The following CASP6 variants were observed in gnomAD, a reference collection of about 807,000 sequenced individuals.
The protein encoded by CASP6 is caspase-6.
A neutral mutation model predicts 31.8 loss-of-function variants in CASP6; 20 were observed. The observed-to-expected ratio is 0.63, with a 90% confidence interval of 0.44 to 0.91. CASP6 has a LOEUF of 0.91. Ranked by LOEUF, CASP6 falls within the 40% of genes least tolerant of loss-of-function variation. CASP6 has a pLI of 0.00. For synonymous variants in CASP6, 130 were observed against 127.8 expected (o/e 1.02, Z -0.12); for missense variants, 328 against 361.1 (o/e 0.91, Z 0.74).
chr4:109,690,247 A>AAAAAAAAC (rs61007363), intron 6 of CASP6, among the ~76,000 whole-genome samples: 6 of 143,410 alleles, frequency 4.2e-5, no homozygotes, highest in African/African-American at 1.6e-4. Flanking sequence ...AAAAAAAAAA[A>AAAAAAAAC]ACGCACGCAC....
At chr4:109,670,842 A>G in the CASP6 span, among the ~76,000 whole-genome samples, 1 of 152,078 alleles carries the variant, frequency 6.6e-6, no homozygotes. Flanking sequence ...TATCTAGTAG[A>G]GCTCCTAGAA....
the CASP6 span, among the ~76,000 whole-genome samples, chr4:109,668,815 T>C: frequency 1.3e-5 from 2 of 152,160 alleles, no homozygotes; most frequent in Non-Finnish European, 2.9e-5. Context: ...TACTTCTTTT[T>C]TTAGCGGTTG....
chr4:109,701,905 C>T (rs1482246065), intron 1 of CASP6, among the ~76,000 whole-genome samples: 3 of 152,188 alleles, frequency 2.0e-5, no homozygotes, highest in South Asian at 2.1e-4. Flanking sequence ...CCCACGCAGC[C>T]CCTCCCACCC....
the CASP6 span, among the ~76,000 whole-genome samples, chr4:109,668,230 T>G: frequency 1.3e-5 from 2 of 152,162 alleles, no homozygotes; most frequent in Non-Finnish European, 2.9e-5. Flanking sequence ...AATAGAGGAA[T>G]GTTGAAGTCT....
At chr4:109,679,033 G>T in the CASP6 span, among the ~76,000 whole-genome samples, 2 of 144,942 alleles carry the variant, frequency 1.4e-5, no homozygotes, top group Non-Finnish European at 3.0e-5. Flanking sequence ...GGGCAGAGGC[G>T]CTCCTCTCTT....
At chr4:109,675,096 GAAAAA>G in the CASP6 span, among the ~76,000 whole-genome samples, 2 of 151,776 alleles carry the variant, frequency 1.3e-5, no homozygotes, top group Non-Finnish European at 2.9e-5. Context: ...ATGTCAAAAA[GAAAAA>G]AAAGAAAAGG....
the CASP6 span, chr4:109,674,247 A>G: frequency 1.2e-4 from 83 of 683,780 alleles, no homozygotes; most frequent in Middle Eastern, 1.2e-3. Flanking sequence ...GGCATTTTGA[A>G]TACTGGCTTC....
chr4:109,688,497 A>T (rs1729908516), downstream of CASP6: 2 of 152,210 alleles, frequency 1.3e-5, no homozygotes, highest in South Asian at 4.1e-4. Context: ...TTAAAGTAGG[A>T]ATTAAAGTCA....
At chr4:109,666,825 C>G in the CASP6 span, among the ~76,000 whole-genome samples, 1 of 152,052 alleles carries the variant, frequency 6.6e-6, no homozygotes, top group East Asian at 1.9e-4. Flanking sequence ...TTTGTCAAAT[C>G]TTTTTCTGCA....
chr4:109,695,769 T>G (rs1030249355), intron 4 of CASP6, among the ~76,000 whole-genome samples: 5 of 151,404 alleles, frequency 3.3e-5, no homozygotes, highest in Non-Finnish European at 7.4e-5. Flanking sequence ...TTATAGCACT[T>G]AGAGCTTCCA....
downstream of CASP6, chr4:109,687,517 TAA>T (rs748016871): frequency 6.2e-7 from 1 of 1,608,258 alleles, no homozygotes; most frequent in Non-Finnish European, 8.5e-7. Flanking sequence ...CATGACAGGC[TAA>T]AGAATCCCTG....
At chr4:109,700,827 TG>T (rs1398555695) in intron 1 of CASP6, among the ~76,000 whole-genome samples, 1 of 152,222 alleles carries the variant, frequency 6.6e-6, no homozygotes, top group Admixed American at 6.5e-5. Context: ...AATACTTTTC[TG>T]GAGTTGATAA....
At position 109,689,843 on chromosome 4, in the gene CASP6, C is replaced by G. The variant is rs5030597; in HGVS notation, c.644-275G>C. ...AGACAATGATTGAGACATGAGATTA[C>G]TAAAAAGAAGTCAAAATTATTTACT... is the stretch of plus-strand genomic sequence containing the variant. On this transcript the variant is annotated intron_variant, in intron 6 of 6. Transcript: ENST00000265164. 3.7e-3 allele frequency among the ~76,000 whole-genome samples: 556 copies of G among 152,116 alleles called. 17 individuals are homozygous for G. In the South Asian group the frequency reaches 0.057, roughly 16 times the overall value.
downstream of CASP6, chr4:109,685,106 T>C: frequency 5.5e-6 from 3 of 547,222 alleles, no homozygotes; most frequent in Non-Finnish European, 6.5e-6. Flanking sequence ...TGTTGGCTTA[T>C]GCTTACTCTC....
At chr4:109,669,572 G>T in the CASP6 span, among the ~76,000 whole-genome samples, 3 of 152,000 alleles carry the variant, frequency 2.0e-5, no homozygotes, top group Non-Finnish European at 4.4e-5. Flanking sequence ...CATTAGTTTG[G>T]GGGGAGTTCT....
chr4:109,694,747 G>A (rs758556412), intron 4 of CASP6, 47 bp from the exon 5 acceptor site: 1 of 1,426,748 alleles, frequency 7.0e-7, no homozygotes, highest in Non-Finnish European at 9.3e-7. Context: ...TATGATGCTT[G>A]TTATCTACAC....
At chr4:109,685,453 A>G, downstream of CASP6, 2 of 615,040 alleles carry the variant, frequency 3.3e-6, no homozygotes, top group African/African-American at 1.8e-5. Flanking sequence ...TCATCCTCAC[A>G]AATTAAATCT....
chr4:109,670,674 T>C, the CASP6 span, among the ~76,000 whole-genome samples: 1 of 151,452 alleles, frequency 6.6e-6, no homozygotes, highest in African/African-American at 2.4e-5. Context: ...CAAGATCATG[T>C]CATTGCACTC....
At chr4:109,697,365 G>A (rs551886361) in intron 3 of CASP6, among the ~76,000 whole-genome samples, 1 of 151,782 alleles carries the variant, frequency 6.6e-6, no homozygotes, top group South Asian at 2.1e-4. Context: ...TTGAACTCCT[G>A]GGATCAAGCA....
Sources: gnomAD v4.1 joint callset for allele counts (sites outside exome capture counted in the v4.1 genomes callset) on GRCh38, gnomAD v4.1.1 for gene constraint, MANE v1.5 for transcripts, NCBI Gene and HGNC (gene_info 2026-07-23, HGNC 2026-07-21) for gene names.